Variants in IBTK observed in about 807,000 individuals in gnomAD.
IBTK encodes the protein inhibitor of Bruton tyrosine kinase.
Under a neutral mutation model 154.9 loss-of-function variants are expected in IBTK, and 83 were observed. The ratio of observed to expected loss-of-function variants is 0.54; its 90% CI spans 0.45 to 0.64. The LOEUF (loss-of-function observed/expected upper bound fraction) is 0.64, where lower values mean the gene tolerates loss of function less well. Among genes scored for constraint, IBTK ranks in the 30% least tolerant of loss-of-function variants. The pLI, the probability that IBTK is intolerant of heterozygous loss-of-function variation, is 0.00. For missense variants in IBTK, 1,332 were observed against 1,584.6 expected, an observed-to-expected ratio of 0.84 and a Z score of 2.71; for synonymous variants, 515 against 536.1, an observed-to-expected ratio of 0.96 and a Z score of 0.54.
chr6:82,195,949 T>C (rs1562081216), intron 22 of IBTK, among the ~76,000 whole-genome samples: 1 of 152,224 alleles, frequency 6.6e-6, no homozygotes, highest in Non-Finnish European at 1.5e-5. Flanking sequence ...TCATTTGCCT[T>C]GACAATTTTT....
At position 82,227,258 on chromosome 6, in the gene IBTK, C is replaced by T. The variant is rs1770331266; in HGVS notation, c.588G>A (p.Gly196=). The change falls in exon 5 of 29, where the codon GGG becomes GGA. Residue 196 remains glycine (G), a synonymous_variant. Coordinates refer to ENST00000306270, the MANE Select transcript of IBTK (RefSeq NM_015525.4). ...GACCATGACCACAGGTATAAACCTG[C>T]CCTTTCTGAGACAGAAACACGGAGT... ...KFHSVFLSQK[G]QVYTCGHGPG... The T allele has an allele frequency of 1.9e-6, 3 of 1,610,950 alleles. No individual in the cohort carries two copies. The highest frequency in any genetic ancestry group is 1.6e-4 in the Middle Eastern group (1 of 6,072).
chr6:82,172,638 C>T (rs770704339), intron 27 of IBTK, 126 bp from the exon 28 acceptor site: 5 of 727,880 alleles, frequency 6.9e-6, no homozygotes, highest in Non-Finnish European at 1.1e-5. Flanking sequence ...AACCTGGAAG[C>T]TTTCACAGAG....
rs184388382 is a variant in IBTK, at chr6:82,229,338, C to G, written c.544-2036G>C. ...ATGGAATATGCTCAAATATTCCAAA[C>G]TATATATTTCTTTGGATCAGACATT... is the stretch of plus-strand genomic sequence containing the variant. On this transcript the variant is annotated intron_variant, in intron 4 of 28. Transcript: ENST00000306270. Among the ~76,000 whole-genome samples, 8 of 152,252 alleles carry G rather than the reference C, an allele frequency of 5.3e-5. No homozygotes were observed. In the East Asian group the frequency reaches 1.5e-3, roughly 29 times the overall value.
At position 82,247,602 on chromosome 6, in the gene IBTK, C is replaced by G. The variant is rs1238149389; in HGVS notation, c.-398G>C. 7.5e-6 allele frequency: 3 copies of G among 398,644 alleles called. No individual in the cohort carries two copies. Among genetic ancestry groups the G allele is most frequent in the South Asian group, 1.3e-4 (1 of 7,866 alleles). 24.7% of individuals were successfully genotyped at this position (398,644 alleles called of 1,614,324 possible). A position where few individuals can be genotyped will look rare whatever the true frequency, so the allele number is the denominator to read the frequency against. ...ACTGCGCCGGTGGATTCCGCAGGGTCCACATAGAGCCACAAAGGGACTCAT... is the reference window on the plus strand; with the variant it reads ...ACTGCGCCGGTGGATTCCGCAGGGTGCACATAGAGCCACAAAGGGACTCAT... On this transcript the variant is annotated 5_prime_UTR_variant, in exon 1 of 29. Coordinates refer to ENST00000306270, the MANE Select transcript of IBTK (RefSeq NM_015525.4).
At chr6:82,225,383 A>G in intron 6 of IBTK, 94 bp downstream of exon 6, 1 of 838,602 alleles carries the variant, frequency 1.2e-6, no homozygotes, top group South Asian at 1.6e-5. Context: ...TAACAGAAAT[A>G]AAATAAGTTG....
At chr6:82,211,077 A>C (rs1488733214) in intron 15 of IBTK, among the ~76,000 whole-genome samples, 167 bp from the exon 16 acceptor site, 1 of 152,192 alleles carries the variant, frequency 6.6e-6, no homozygotes, top group Non-Finnish European at 1.5e-5. Context: ...ATTTAATTTT[A>C]AAACATAACA....
chr6:82,188,636 C>A (rs992343740), intron 25 of IBTK, among the ~76,000 whole-genome samples: 3 of 152,010 alleles, frequency 2.0e-5, no homozygotes, highest in Non-Finnish European at 4.4e-5. Context: ...AAAAAGGTAT[C>A]ATCAACAAAC....
In IBTK at chr6:82,220,671, C is replaced by T; in HGVS notation, c.1167G>A (p.Met389Ile). 2 of 1,605,314 alleles carry T rather than the reference C, an allele frequency of 1.2e-6. No individual in the cohort carries two copies. Among genetic ancestry groups the T allele is most frequent in the Middle Eastern group, 1.7e-4 (1 of 6,020 alleles). ...LKKVLVSGGHMEYKVDPEHLK... is the reference protein window; with the variant it reads ...LKKVLVSGGHIEYKVDPEHLK... ...AATGTTCAGGATCAACCTTGTATTC[C>T]ATATGACCCCCAGACACAAGAACTT... The change falls in exon 9 of 29, where the codon ATG (methionine) becomes ATA (isoleucine). Residue 389 changes from methionine to isoleucine, a missense_variant. Around this residue, in one of 3 missense-constraint regions of IBTK, gnomAD observed 1,134 missense variants for 1,274.7 expected, o/e 0.89. Coordinates refer to ENST00000306270, the MANE Select transcript of IBTK (RefSeq NM_015525.4).
chr6:82,226,569 G>A (rs1770305532), intron 5 of IBTK, among the ~76,000 whole-genome samples: 1 of 150,588 alleles, frequency 6.6e-6, no homozygotes, highest in African/African-American at 2.4e-5. Context: ...ACTACTTCAG[G>A]AAAAGTGTTT....
chr6:82,175,667 T>C (rs1048324051), intron 26 of IBTK, among the ~76,000 whole-genome samples: 6 of 152,202 alleles, frequency 3.9e-5, no homozygotes, highest in Admixed American at 3.9e-4. Context: ...CAAGAGACAA[T>C]CTGTAGAAAA....
intron 13 of IBTK, 74 bp from the exon 14 acceptor site, chr6:82,211,646 T>C: frequency 8.1e-7 from 1 of 1,232,164 alleles, no homozygotes; most frequent in Non-Finnish European, 1.2e-6. Flanking sequence ...AGGATTTGGC[T>C]TAACTTTCAG....
chr6:82,196,844 G>A (rs936722152), intron 21 of IBTK, among the ~76,000 whole-genome samples: 7 of 152,112 alleles, frequency 4.6e-5, no homozygotes, highest in African/African-American at 1.2e-4. Flanking sequence ...AGTGGTCTCC[G>A]CACCCAAGCA....
At chr6:82,196,688 T>C (rs938763178) in intron 21 of IBTK, among the ~76,000 whole-genome samples, 6 of 152,196 alleles carry the variant, frequency 3.9e-5, no homozygotes, top group Non-Finnish European at 8.8e-5. Flanking sequence ...ACACACCAAT[T>C]GTGTAATGAA....
intron 6 of IBTK, among the ~76,000 whole-genome samples, chr6:82,225,146 C>CA (rs71676661): frequency 0.45 from 63,274 of 141,954 alleles, 13,969 homozygotes; most frequent in East Asian, 0.75. Context: ...AAAAAATACT[C>CA]AAAAAAAAAA....
Position 82,211,501 on chromosome 6 carries a change from C to A in IBTK, c.2363G>T (p.Cys788Phe), listed in dbSNP as rs1361649711. 1 of 1,613,388 alleles carries A rather than the reference C, an allele frequency of 6.2e-7. No homozygotes were observed. The highest frequency in any genetic ancestry group is 2.2e-5 in the East Asian group (1 of 44,796). ...KEFPCHKCVLCARLEYFHSML... is the reference protein window; with the variant it reads ...KEFPCHKCVLFARLEYFHSML... ...AAAAGTGCACCTACCAAGTCTAGCA[C>A]AAAGAACACATTTATGACAAGGAAA... Residue 788 changes from cysteine to phenylalanine, a missense_variant, in exon 14 of 29, where the codon TGT (cysteine) becomes TTT (phenylalanine). Physicochemically the swap from Cys to Phe is radical, Grantham distance 205. Around this residue, in one of 3 missense-constraint regions of IBTK, gnomAD observed 1,134 missense variants for 1,274.7 expected, o/e 0.89. Coordinates refer to ENST00000306270, the MANE Select transcript of IBTK (RefSeq NM_015525.4).
rs890283388 is a variant in IBTK, at chr6:82,176,684, A to T, written c.3726-3246T>A. 3.3e-5 allele frequency among the ~76,000 whole-genome samples: 5 copies of T among 152,278 alleles called. 1 individual carries two copies. The South Asian group carries it at 1.0e-3, about 32-fold the overall frequency. On this transcript the variant is annotated intron_variant, in intron 26 of 28. Transcript: ENST00000306270. Reference sequence around the variant, plus strand: ...AAAATTGTACAAATTGCTCACTTTTAGATGTTAACACCCTCAAACAACATT... The same window carrying T: ...AAAATTGTACAAATTGCTCACTTTTTGATGTTAACACCCTCAAACAACATT...
intron 25 of IBTK, among the ~76,000 whole-genome samples, chr6:82,187,967 T>C (rs1768615297): frequency 6.6e-6 from 1 of 151,852 alleles, no homozygotes; most frequent in Admixed American, 6.6e-5. Flanking sequence ...CTCCCTACAC[T>C]GAGATACGCT....
intron 4 of IBTK, among the ~76,000 whole-genome samples, chr6:82,230,396 G>T (rs1047720876): frequency 2.6e-5 from 4 of 152,144 alleles, no homozygotes; most frequent in Non-Finnish European, 5.9e-5. Context: ...TTATCCAAAG[G>T]TGACTTAGTA....
At position 82,224,063 on chromosome 6, in the gene IBTK, C is replaced by A; in HGVS notation, c.943+5G>T. ...TTCCAGATATTGTCATTAAGGATTTCTTACCCAGTTGTCCACCATTTAGTC... is the reference window on the plus strand; with the variant it reads ...TTCCAGATATTGTCATTAAGGATTTATTACCCAGTTGTCCACCATTTAGTC... On this transcript the variant is annotated splice_donor_5th_base_variant and intron_variant, in intron 7 of 28. Coordinates refer to ENST00000306270, the MANE Select transcript of IBTK (RefSeq NM_015525.4). 6.9e-7 allele frequency: 1 copy of A among 1,453,934 alleles called. No homozygotes were observed. The highest frequency in any genetic ancestry group is 9.5e-7 in the Non-Finnish European group (1 of 1,048,810). 90.1% of individuals were successfully genotyped at this position (1,453,934 alleles called of 1,614,324 possible). A position where few individuals can be genotyped will look rare whatever the true frequency, so the allele number is the denominator to read the frequency against.
Sources: gnomAD v4.1 joint callset for allele counts (sites outside exome capture counted in the v4.1 genomes callset) on GRCh38, gnomAD v4.1.1 for gene constraint, gnomAD v4.1.1 regional missense constraint, MANE v1.5 for transcripts, NCBI Gene and HGNC (gene_info 2026-07-23, HGNC 2026-07-21) for gene names.